CUX2: variants seen among roughly 807,000 people sequenced by gnomAD.
The protein encoded by CUX2 is homeobox protein cut-like 2.
Under a neutral mutation model 144.8 loss-of-function variants are expected in CUX2, and 40 were observed. The observed-to-expected ratio is 0.28, with a 90% CI of 0.21 to 0.36. The LOEUF is 0.36. Among genes scored for constraint, CUX2 ranks in the 10% least tolerant of loss-of-function variants. CUX2 has a pLI of 1.00. For missense variants in CUX2, 1,615 were observed against 1,994.0 expected, an observed-to-expected ratio of 0.81 and a Z score of 3.62; for synonymous variants, 827 against 875.6, an observed-to-expected ratio of 0.94 and a Z score of 0.98.
chr12:111,276,002 C>T (rs557566656), intron 4 of CUX2, among the ~76,000 whole-genome samples: 13 of 152,096 alleles, frequency 8.5e-5, no homozygotes, highest in South Asian at 2.1e-4. Flanking sequence ...TACAAGATCC[C>T]GATTTTCTAT....
chr12:111,291,638 G>T (rs757648181), intron 5 of CUX2, 86 bp downstream of exon 5: 136 of 1,421,656 alleles, frequency 9.6e-5, no homozygotes, highest in Non-Finnish European at 1.2e-4. Context: ...CTTGTTGCGG[G>T]GTGGCTGGGG....
At chr12:111,328,619 T>TGTGTGTGTGTGTGTGA (rs757660183) in intron 18 of CUX2, among the ~76,000 whole-genome samples, 2 of 148,508 alleles carry the variant, frequency 1.3e-5, no homozygotes, top group African/African-American at 5.0e-5. Flanking sequence ...TGTGTGTGTG[T>TGTGTGTGTGTGTGTGA]GACAGAGTCT....
intron 3 of CUX2, among the ~76,000 whole-genome samples, chr12:111,229,427 G>A (rs1396100344): frequency 1.3e-5 from 2 of 152,214 alleles, no homozygotes; most frequent in African/African-American, 4.8e-5. Flanking sequence ...CTGAGCAGCA[G>A]GAATCAGGCC....
At chr12:111,264,868 A>C (rs1884300462) in intron 4 of CUX2, among the ~76,000 whole-genome samples, 1 of 150,238 alleles carries the variant, frequency 6.7e-6, no homozygotes, top group African/African-American at 2.5e-5. Context: ...TTTACATGAA[A>C]CATCCAGAAC....
At chr12:111,224,535 T>C (rs1466358447) in intron 3 of CUX2, among the ~76,000 whole-genome samples, 5 of 150,144 alleles carry the variant, frequency 3.3e-5, no homozygotes, top group Non-Finnish European at 4.4e-5. Flanking sequence ...TTTTTTTTTT[T>C]TTGCCTTTTA....
In CUX2 at chr12:111,171,685, A is replaced by G. The variant is rs966910350; in HGVS notation, c.64-42515A>G. ...GTGATGCTGAAGGGGTTTGCAGGCC[A>G]TAATTAGGGGCTCAGTGTCACCTTT... is the stretch of plus-strand genomic sequence containing the variant. On this transcript the variant is annotated intron_variant, in intron 1 of 21. Transcript: ENST00000261726. This position sits in a 1 kb window ranked among gnomAD's most constrained non-coding sequence, Gnocchi z 5.0. Among the ~76,000 whole-genome samples the G allele has an allele frequency of 3.3e-5, 5 of 152,214 alleles. No individual in the cohort carries two copies. The highest frequency in any genetic ancestry group is 4.4e-5 in the Non-Finnish European group (3 of 68,040).
At chr12:111,317,343 C>T (rs772328850) in intron 16 of CUX2, among the ~76,000 whole-genome samples, 3 of 152,212 alleles carry the variant, frequency 2.0e-5, no homozygotes, top group Non-Finnish European at 4.4e-5. Flanking sequence ...TCATGACACA[C>T]TCTCAGGGCT....
intron 3 of CUX2, among the ~76,000 whole-genome samples, chr12:111,261,215 C>T (rs11065846): frequency 0.037 from 5,682 of 152,298 alleles, 157 homozygotes; most frequent in African/African-American, 0.072. Context: ...AGTGGCTTGA[C>T]GTCCTTGAGC....
chr12:111,116,424 G>T (rs1283033856), intron 1 of CUX2, among the ~76,000 whole-genome samples: 1 of 152,176 alleles, frequency 6.6e-6, no homozygotes. Flanking sequence ...TAACTAATTG[G>T]TTTGTGGATG....
chr12:111,266,713 T>C (rs2136295420), intron 4 of CUX2, among the ~76,000 whole-genome samples: 1 of 152,334 alleles, frequency 6.6e-6, no homozygotes, highest in African/African-American at 2.4e-5. Flanking sequence ...AATAAGTGTC[T>C]GTTGTTTTCA....
chr12:111,072,248 A>T (rs1372474641), intron 1 of CUX2, among the ~76,000 whole-genome samples: 1 of 152,254 alleles, frequency 6.6e-6, no homozygotes, highest in Non-Finnish European at 1.5e-5. Flanking sequence ...ATCCATGAAC[A>T]TGGACTATCT....
intron 4 of CUX2, among the ~76,000 whole-genome samples, chr12:111,274,932 C>A (rs187970427): frequency 4.6e-5 from 7 of 150,874 alleles, no homozygotes; most frequent in Non-Finnish European, 8.8e-5. Context: ...CTCTAGATTC[C>A]CCAACCCCCT....
chr12:111,162,887 A>T (rs1379827359), intron 1 of CUX2, among the ~76,000 whole-genome samples: 1 of 152,066 alleles, frequency 6.6e-6, no homozygotes, highest in Non-Finnish European at 1.5e-5. Flanking sequence ...CTCTAATAAA[A>T]ATACAAAACC....
intron 4 of CUX2, among the ~76,000 whole-genome samples, chr12:111,281,649 A>G (rs755950532): frequency 5.3e-5 from 8 of 152,194 alleles, no homozygotes; most frequent in Non-Finnish European, 1.0e-4. Context: ...CCAGCTTCAG[A>G]CTCATCACTG....
rs1878503408 is a variant in CUX2, at chr12:111,171,248, A to G, written c.64-42952A>G. On this transcript the variant is annotated intron_variant, in intron 1 of 21. Transcript: ENST00000261726. This position sits in a 1 kb window ranked among gnomAD's most constrained non-coding sequence, Gnocchi z 5.0. ...AGCCTCGAGTTTGACCTTCACACAC[A>G]CCTTGACCTTGTTGGCAAGCCCGAT... Among the ~76,000 whole-genome samples the G allele has an allele frequency of 6.6e-6, 1 of 152,024 alleles. No homozygotes were observed. Among genetic ancestry groups the G allele is most frequent in the Non-Finnish European group, 1.5e-5 (1 of 68,000 alleles).
chr12:111,090,413 G>A lies in CUX2; in HGVS notation c.63+56173G>A, dbSNP rs554929035. On this transcript the variant is annotated intron_variant, in intron 1 of 21. Coordinates refer to ENST00000261726, the MANE Select transcript of CUX2 (RefSeq NM_015267.4). ...TGAGTAGCTGGGATTACAGGCAGGC[G>A]CCACCACACCTGGCTAATTTTTTGT... Among the ~76,000 whole-genome samples, 25 of 152,154 alleles carry A rather than the reference G, an allele frequency of 1.6e-4. 1 individual carries two copies. The South Asian group carries it at 4.4e-3, about 27-fold the overall frequency.
At position 111,059,787 on chromosome 12, in the gene CUX2, C is replaced by T. The variant is rs75390739; in HGVS notation, c.63+25547C>T. ...GGGTCCTCAGTCCTGGCTGGGATGC[C>T]GAGGGTGGGGGCAGTGAGGGAGGTG... On this transcript the variant is annotated intron_variant, in intron 1 of 21. Coordinates refer to ENST00000261726, the MANE Select transcript of CUX2 (RefSeq NM_015267.4). This position sits in a 1 kb window ranked among gnomAD's most constrained non-coding sequence, Gnocchi z 5.3. Among the ~76,000 whole-genome samples the T allele has an allele frequency of 0.012, 1,808 of 151,806 alleles. 36 individuals are homozygous for T. Among genetic ancestry groups the T allele is most frequent in the African/African-American group, 0.042 (1,727 of 41,336 alleles).
At chr12:111,045,221 C>T (rs1869937954) in intron 1 of CUX2, among the ~76,000 whole-genome samples, 1 of 152,192 alleles carries the variant, frequency 6.6e-6, no homozygotes, top group Admixed American at 6.5e-5. Context: ...TCTTTCCCAC[C>T]ATGCGCAGGG....
chr12:111,223,083 C>T (rs1282895301), intron 3 of CUX2, among the ~76,000 whole-genome samples: 1 of 152,044 alleles, frequency 6.6e-6, no homozygotes, highest in Non-Finnish European at 1.5e-5. Flanking sequence ...ACAAGGCCAC[C>T]CTTCTATTGG....
Sources: gnomAD v4.1 joint callset for allele counts (sites outside exome capture counted in the v4.1 genomes callset) on GRCh38, gnomAD v4.1.1 for gene constraint, Gnocchi (gnomAD v3.1) non-coding constraint, MANE v1.5 for transcripts, NCBI Gene and HGNC (gene_info 2026-07-23, HGNC 2026-07-21) for gene names.